The following WDR18 variants were observed in gnomAD, a reference collection of about 807,000 sequenced individuals.
The protein encoded by WDR18 is WD repeat domain 18.
In WDR18, 33 loss-of-function variants were observed where a neutral mutation model predicts 49.6. That is an observed-to-expected ratio of 0.67 (90% CI 0.50 to 0.89). The LOEUF is 0.89. Among genes scored for constraint, WDR18 ranks in the 40% least tolerant of loss-of-function variants. WDR18 has a pLI of 0.00. For synonymous variants in WDR18, 315 were observed against 263.6 expected (o/e 1.19, Z -1.89); for missense variants, 653 against 593.6 (o/e 1.10, Z -1.04).
At chr19:992,307 C>T (rs1443117063) in intron 8 of WDR18, among the ~76,000 whole-genome samples, 186 bp downstream of exon 8, 1 of 152,228 alleles carries the variant, frequency 6.6e-6, no homozygotes, top group Non-Finnish European at 1.5e-5. Flanking sequence ...TCAGTATGGA[C>T]CCAGAGGCTC....
upstream of WDR18, chr19:984,300 G>A: frequency 2.0e-6 from 3 of 1,494,466 alleles, no homozygotes; most frequent in South Asian, 1.3e-5. Context: ...GCGTGGGGCA[G>A]TCGTCCGCGT....
Position 989,828 on chromosome 19 carries a change from A to G in WDR18, c.388A>G (p.Thr130Ala), listed in dbSNP as rs1232675581. 2 of 1,612,582 alleles carry G rather than the reference A, an allele frequency of 1.2e-6. No individual in the cohort carries two copies. Among genetic ancestry groups the G allele is most frequent in the East Asian group, 2.2e-5 (1 of 44,884 alleles). The part of the protein sequence containing the change: ...HYQDVSCLQF[T>A]GDSSHFISGG... Reference sequence around the variant, plus strand: ...CCAGGACGTCTCCTGCCTTCAGTTCACAGGGGACAGCAGCCACTTCATCTC... The same window carrying G: ...CCAGGACGTCTCCTGCCTTCAGTTCGCAGGGGACAGCAGCCACTTCATCTC... Residue 130 changes from threonine to alanine, a missense_variant, in exon 3 of 10, where the codon ACA becomes GCA. Physicochemically the swap from Thr to Ala is moderately conservative, Grantham distance 58. Coordinates refer to ENST00000585809, the MANE Select transcript of WDR18 (RefSeq NM_024100.4).
At chr19:989,285 C>T (rs981589049) in intron 2 of WDR18, among the ~76,000 whole-genome samples, 1 of 151,960 alleles carries the variant, frequency 6.6e-6, no homozygotes, top group Non-Finnish European at 1.5e-5. Context: ...TCCCTGTCCT[C>T]TTCCTCAGAT....
rs2038483333 is a variant in WDR18 at position 987,117 on chromosome 19, C to T, written c.321+1142C>T. On this transcript the variant is annotated intron_variant, in intron 2 of 9. Transcript: ENST00000585809. ...CAGCACTTTGGGAGGCTGAGACGGG[C>T]AGATCACTTGAGGCCAGGAGTTCAA... 2.0e-5 allele frequency among the ~76,000 whole-genome samples: 3 copies of T among 152,148 alleles called. No individual in the cohort carries two copies. In the South Asian group the frequency reaches 6.2e-4, roughly 32 times the overall value.
Position 991,141 on chromosome 19 carries a change from C to T in WDR18, c.802C>T (p.His268Tyr). 1 of 1,573,008 alleles carries T rather than the reference C, an allele frequency of 6.4e-7. No individual in the cohort carries two copies. Among genetic ancestry groups the T allele is most frequent in the Admixed American group, 1.9e-5 (1 of 54,020 alleles). Residue 268 changes from histidine to tyrosine, a missense_variant, in exon 6 of 10, where the codon CAC becomes TAC. By Grantham distance (83) the His-to-Tyr change is moderately conservative. Coordinates refer to ENST00000585809, the MANE Select transcript of WDR18 (RefSeq NM_024100.4). ...EQDAGKVFKG[H>Y]RNQVTCLSVS... Reference sequence around the variant, plus strand: ...GGACGCCGGGAAGGTCTTCAAAGGGCACAGGTGGGGACGTGGGAACGGGGC... The same window carrying T: ...GGACGCCGGGAAGGTCTTCAAAGGGTACAGGTGGGGACGTGGGAACGGGGC...
At chr19:986,435 A>C (rs752198942) in intron 2 of WDR18, among the ~76,000 whole-genome samples, 1 of 151,948 alleles carries the variant, frequency 6.6e-6, no homozygotes, top group African/African-American at 2.4e-5. Flanking sequence ...ACACCTGGCT[A>C]ATTTGTTTGT....
At chr19:993,039 C>T (rs535625502) in intron 8 of WDR18, among the ~76,000 whole-genome samples, 3 of 152,356 alleles carry the variant, frequency 2.0e-5, no homozygotes, top group South Asian at 4.1e-4. Flanking sequence ...TGTTTTCCCA[C>T]ATCTACCAGT....
intron 2 of WDR18, among the ~76,000 whole-genome samples, chr19:988,149 C>T (rs1312217128): frequency 1.7e-5 from 2 of 114,506 alleles, no homozygotes; most frequent in South Asian, 2.5e-4. Flanking sequence ...AGTTTCTGAC[C>T]CGTGAGCTGT....
intron 4 of WDR18, 70 bp from the exon 5 acceptor site, chr19:990,782 G>A (rs1262443443): frequency 6.6e-7 from 1 of 1,520,184 alleles, no homozygotes; most frequent in Non-Finnish European, 8.8e-7. Flanking sequence ...CCTCCCTGGT[G>A]CCCCTGTTCC....
intron 4 of WDR18, 194 bp from the exon 5 acceptor site, chr19:990,658 G>A (rs1350923661): frequency 8.9e-6 from 8 of 900,182 alleles, no homozygotes; most frequent in Non-Finnish European, 1.1e-5. Flanking sequence ...GTCATCAGCC[G>A]GAGACCAAGC....
chr19:990,544 A>G (rs2038531601), intron 4 of WDR18, 180 bp downstream of exon 4: 1 of 1,005,054 alleles, frequency 9.9e-7, no homozygotes, highest in East Asian at 2.9e-5. Context: ...GGAAATTCCT[A>G]CTCATTCACC....
chr19:991,871 C>T, intron 7 of WDR18, 84 bp from the exon 8 acceptor site: 15 of 1,314,766 alleles, frequency 1.1e-5, no homozygotes, highest in Middle Eastern at 2.8e-4. Flanking sequence ...GGGGCGGGGA[C>T]TGCCCTGGAT....
Position 989,715 on chromosome 19 carries a change from C to T in WDR18, c.322-47C>T. The T allele has an allele frequency of 3.1e-6, 5 of 1,607,980 alleles. No homozygotes were observed. In the Admixed American group the frequency reaches 6.7e-5, roughly 22 times the overall value. On this transcript the variant is annotated intron_variant, in intron 2 of 9. Coordinates refer to ENST00000585809, the MANE Select transcript of WDR18 (RefSeq NM_024100.4). Reference sequence around the variant, plus strand: ...CTGGGGCTGCAGCCCCCCTTTCCTCCCCTGGGGCTTTCCTCCCCTGACCTG... The same window carrying T: ...CTGGGGCTGCAGCCCCCCTTTCCTCTCCTGGGGCTTTCCTCCCCTGACCTG...
intron 3 of WDR18, 145 bp from the exon 4 acceptor site, chr19:990,077 TG>T: frequency 1.4e-6 from 2 of 1,379,332 alleles, no homozygotes; most frequent in Non-Finnish European, 1.9e-6. Flanking sequence ...CTGGGGGCCG[TG>T]GGGGCCCAGC....
chr19:987,840 T>TTTTTTTTTTTG (rs2038492286), intron 2 of WDR18, among the ~76,000 whole-genome samples: 1 of 141,416 alleles, frequency 7.1e-6, no homozygotes, highest in Non-Finnish European at 1.5e-5. Flanking sequence ...TTTTTTTTTT[T>TTTTTTTTTTTG]TTTTTTTTTT....
In WDR18 at chr19:984,390, T is replaced by A. The variant is rs1240900377; in HGVS notation, c.37T>A (p.Ser13Thr). Residue 13 changes from serine to threonine, a missense_variant, in exon 1 of 10, where the codon TCG (serine) becomes ACG (threonine). By Grantham distance (58) the Ser-to-Thr change is moderately conservative. Coordinates refer to ENST00000585809, the MANE Select transcript of WDR18 (RefSeq NM_024100.4). ...APMEVAVCTD[S>T]AAPMWSCIVW... The stretch of plus-strand genomic sequence containing the variant: ...CATGGAGGTGGCCGTGTGTACGGAC[T>A]CGGCGGCCCCGATGTGGAGCTGCAT... The A allele has an allele frequency of 6.2e-7, 1 of 1,601,254 alleles. No homozygotes were observed. The highest frequency in any genetic ancestry group is 2.3e-5 in the East Asian group (1 of 43,190).
At position 985,873 on chromosome 19, in the gene WDR18, C is replaced by G. The variant is rs772602685; in HGVS notation, c.219C>G (p.Leu73=). ...SAWELQRKDQ[L]QQKIMCPGPV... ...TGACTGTGCATCCTTAGGACCAGCT[C>G]CAGCAGAAGATCATGTGCCCCGGGC... The change falls in exon 2 of 10, where the codon CTC becomes CTG. Residue 73 remains leucine, a synonymous_variant. Coordinates refer to ENST00000585809, the MANE Select transcript of WDR18 (RefSeq NM_024100.4). The G allele has an allele frequency of 6.2e-7, 1 of 1,613,854 alleles. No homozygotes were observed. Among genetic ancestry groups the G allele is most frequent in the South Asian group, 1.1e-5 (1 of 91,084 alleles).
At chr19:992,775 GA>G (rs2038577130) in intron 8 of WDR18, among the ~76,000 whole-genome samples, 1 of 152,210 alleles carries the variant, frequency 6.6e-6, no homozygotes, top group South Asian at 2.1e-4. Context: ...TGGGCCTGGG[GA>G]GGCTTCCCAG....
At chr19:990,719 C>T (rs911306990) in intron 4 of WDR18, 133 bp from the exon 5 acceptor site, 81 of 1,330,628 alleles carry the variant, frequency 6.1e-5, no homozygotes, top group East Asian at 2.6e-4. Flanking sequence ...CACATGGTGA[C>T]GGCTTTCACC....
Sources: gnomAD v4.1 joint callset for allele counts (sites outside exome capture counted in the v4.1 genomes callset) on GRCh38, gnomAD v4.1.1 for gene constraint, MANE v1.5 for transcripts, NCBI Gene and HGNC (gene_info 2026-07-23, HGNC 2026-07-21) for gene names.